The following ZNF491 variants were observed in gnomAD, a reference collection of about 807,000 sequenced individuals.
The protein encoded by ZNF491 is zinc finger protein 491.
In ZNF491, 22 loss-of-function variants were observed where a neutral mutation model predicts 34.7. The observed-to-expected ratio is 0.63, with a 90% CI of 0.45 to 0.90. The LOEUF is 0.90. ZNF491 is among the 40% of genes least tolerant of loss of function. The pLI is 0.00. For synonymous variants in ZNF491, 148 were observed against 174.3 expected (o/e 0.85, Z 1.19); for missense variants, 559 against 531.7 (o/e 1.05, Z -0.51).
At chr19:11,800,284 T>C (rs1975544683) in intron 1 of ZNF491, among the ~76,000 whole-genome samples, 1 of 152,126 alleles carries the variant, frequency 6.6e-6, no homozygotes, top group Non-Finnish European at 1.5e-5. Context: ...GAGGGAGTTT[T>C]TGGGACCCCT....
rs1025871237 is a variant in ZNF491, at chr19:11,804,665, T to G, written c.-10T>G. 4.5e-6 allele frequency: 6 copies of G among 1,324,818 alleles called. No homozygotes were observed. Among genetic ancestry groups the G allele is most frequent in the Non-Finnish European group, 5.9e-6 (6 of 1,012,514 alleles). 82.1% of individuals were successfully genotyped at this position (1,324,818 alleles called of 1,614,324 possible). On this transcript the variant is annotated splice_region_variant and 5_prime_UTR_variant, in exon 2 of 3. Transcript: ENST00000323169. ...GAAACCTTCACGAACCTCATCTGTA[T>G]AGGTAGGGGTGACAATATTACCTCC... is the stretch of plus-strand genomic sequence containing the variant.
intron 1 of ZNF491, among the ~76,000 whole-genome samples, chr19:11,799,874 G>A (rs997237310): frequency 6.6e-6 from 1 of 152,056 alleles, no homozygotes; most frequent in East Asian, 1.9e-4. Flanking sequence ...CGGAGGTTGC[G>A]TGAGCCGAGA....
chr19:11,804,527 T>C lies in ZNF491; in HGVS notation c.-133-15T>C. 1 of 1,547,616 alleles carries C rather than the reference T, an allele frequency of 6.5e-7. No homozygotes were observed. The highest frequency in any genetic ancestry group is 1.7e-4 in the Middle Eastern group (1 of 5,820). ...ACTCTCACCCATCCTCCTCTACACA[T>C]GTGAGATGTTTCAGGACCCAGTGGC... On this transcript the variant is annotated splice_polypyrimidine_tract_variant and intron_variant, in intron 1 of 2. Transcript: ENST00000323169.
At chr19:11,804,809 G>T (rs565568816) in intron 2 of ZNF491, 142 bp downstream of exon 2, 4 of 291,108 alleles carry the variant, frequency 1.4e-5, no homozygotes, top group South Asian at 7.6e-5. Context: ...CATAAACATG[G>T]AATCTAATGA....
In ZNF491 at chr19:11,805,984, G is replaced by A. The variant is rs147204893; in HGVS notation, c.31G>A (p.Gly11Ser). 298 of 1,602,940 alleles carry A rather than the reference G, an allele frequency of 1.9e-4. 5 individuals are homozygous for A. In the South Asian group the frequency reaches 3.1e-3, roughly 16 times the overall value. Residue 11 changes from glycine to serine, a missense_variant, in exon 3 of 3, where the codon GGT (glycine) becomes AGT (serine). By Grantham distance (56) the Gly-to-Ser change is moderately conservative (BLOSUM62 0). Transcript: ENST00000323169. Reference protein sequence around the residue: MGERLFESAEGSQCGETFTQV... With the variant: MGERLFESAESSQCGETFTQV... The stretch of plus-strand genomic sequence containing the variant: ...AGAGAGACTCTTTGAGAGTGCAGAA[G>A]GTAGTCAGTGTGGAGAAACTTTCAC...
rs112822504 is a variant in ZNF491 at position 11,803,437 on chromosome 19, C to T, written c.-133-1105C>T. Among the ~76,000 whole-genome samples the T allele has an allele frequency of 5.6e-3, 847 of 152,306 alleles. 9 individuals are homozygous for T. Among genetic ancestry groups the T allele is most frequent in the African/African-American group, 0.019 (793 of 41,554 alleles). ...CTAAGAAGTTATCATTTGTATATTA[C>T]TATTAATGAAATTCCAGATTTTCAA... On this transcript the variant is annotated intron_variant, in intron 1 of 2. Coordinates refer to ENST00000323169, the MANE Select transcript of ZNF491 (RefSeq NM_152356.4).
chr19:11,806,447 G>A lies in ZNF491; in HGVS notation c.494G>A (p.Gly165Asp), dbSNP rs1324399877. Residue 165 changes from glycine (G) to aspartate (D), a missense_variant, in exon 3 of 3, where the codon GGT becomes GAT. Transcript: ENST00000323169. ...GEKRYECKQC[G>D]KAFSWHSSVR... ...AAACGATATGAATGTAAACAATGTG[G>A]TAAAGCCTTCAGTTGGCACAGTTCT... 5 of 1,613,514 alleles carry A rather than the reference G, an allele frequency of 3.1e-6. No homozygotes were observed. Among genetic ancestry groups the A allele is most frequent in the Non-Finnish European group, 4.2e-6 (5 of 1,179,702 alleles).
Position 11,798,683 on chromosome 19 carries a change from C to A in ZNF491, c.-178C>A, listed in dbSNP as rs1199369215. Reference sequence around the variant, plus strand: ...CTGTCACCTGCGCTGTGACCTGCTCCGGAGTCATAAAGAGGACGCCGGGAC... The same window carrying A: ...CTGTCACCTGCGCTGTGACCTGCTCAGGAGTCATAAAGAGGACGCCGGGAC... On this transcript the variant is annotated 5_prime_UTR_variant, in exon 1 of 3. Transcript: ENST00000323169. This position sits in a 1 kb window ranked among gnomAD's most constrained non-coding sequence, Gnocchi z 4.0. The A allele has an allele frequency of 6.6e-6, 1 of 152,446 alleles. No homozygotes were observed. The highest frequency in any genetic ancestry group is 6.5e-5 in the Admixed American group (1 of 15,292). The allele number at this position is 152,446 out of a possible 1,614,324, so 9.4% of individuals were successfully genotyped here. A position where few individuals can be genotyped will look rare whatever the true frequency, so the allele number is the denominator to read the frequency against.
chr19:11,806,511 A>G lies in ZNF491; in HGVS notation c.558A>G (p.Pro186=), dbSNP rs1207701622. The G allele has an allele frequency of 9.3e-6, 15 of 1,613,896 alleles. No homozygotes were observed. Among genetic ancestry groups the G allele is most frequent in the Non-Finnish European group, 1.3e-5 (15 of 1,179,934 alleles). ...AAAGAACTCACACTGGGGAGAAGCC[A>G]TATGAATGTAAGGAGTGTGGGAAAT... The part of the protein sequence containing the change: ...IHERTHTGEK[P]YECKECGKSF... Residue 186 remains proline (P), a synonymous_variant, in exon 3 of 3, where the codon CCA becomes CCG. Coordinates refer to ENST00000323169, the MANE Select transcript of ZNF491 (RefSeq NM_152356.4).
intron 1 of ZNF491, among the ~76,000 whole-genome samples, chr19:11,800,006 G>A (rs551144162): frequency 1.6e-4 from 25 of 152,208 alleles, no homozygotes; most frequent in African/African-American, 6.0e-4. Context: ...AATTGCTTGA[G>A]CCCAGGAGGT....
chr19:11,799,734 G>C (rs1975538822), intron 1 of ZNF491, among the ~76,000 whole-genome samples: 1 of 151,982 alleles, frequency 6.6e-6, no homozygotes, highest in South Asian at 2.1e-4. Context: ...AGGAATTCGA[G>C]ACCATCCTGG....
chr19:11,805,934 G>T lies in ZNF491; in HGVS notation c.-7-13G>T. On this transcript the variant is annotated splice_polypyrimidine_tract_variant and intron_variant, in intron 2 of 2. Transcript: ENST00000323169. ...AAACAGACCCTTAATTATGTGCTTG[G>T]CATTTTTCACAGAAATTTTATGGGA... 1 of 1,532,336 alleles carries T rather than the reference G, an allele frequency of 6.5e-7. No individual in the cohort carries two copies. The highest frequency in any genetic ancestry group is 8.8e-7 in the Non-Finnish European group (1 of 1,141,578). 94.9% of individuals were successfully genotyped at this position (1,532,336 alleles called of 1,614,324 possible). A position where few individuals can be genotyped will look rare whatever the true frequency, so the allele number is the denominator to read the frequency against.
chr19:11,807,448 T>A lies in ZNF491; in HGVS notation c.*181T>A, dbSNP rs1425142298. 4.2e-6 allele frequency: 2 copies of A among 479,948 alleles called. No individual in the cohort carries two copies. Among genetic ancestry groups the A allele is most frequent in the Non-Finnish European group, 7.4e-6 (2 of 270,766 alleles). 29.7% of individuals were successfully genotyped at this position (479,948 alleles called of 1,614,324 possible). On this transcript the variant is annotated 3_prime_UTR_variant, in exon 3 of 3. Transcript: ENST00000323169. ...CGCTGGGATTCACTGGTGGCCTATC[T>A]TACATATGATTTCGAAGGCAGACAT... is the stretch of plus-strand genomic sequence containing the variant.
intron 1 of ZNF491, among the ~76,000 whole-genome samples, chr19:11,799,575 G>A (rs976681046): frequency 7.0e-6 from 1 of 143,168 alleles, no homozygotes; most frequent in Non-Finnish European, 1.5e-5. Flanking sequence ...ACATTCCAGC[G>A]TAAGGCAAGG....
At chr19:11,804,206 CAAA>C (rs71166629) in intron 1 of ZNF491, among the ~76,000 whole-genome samples, 982 of 69,336 alleles carry the variant, frequency 0.014, 4 homozygotes, top group African/African-American at 0.061. Flanking sequence ...CCATCTCAGA[CAAA>C]AAAAAAAAAA....
rs73922693 is a variant in ZNF491, at chr19:11,806,931, C to T, written c.978C>T (p.Pro326=). The change falls in exon 3 of 3, where the codon CCC becomes CCT. Residue 326 remains proline, a synonymous_variant. Transcript: ENST00000323169. ...AAAGGACTCACACTGGAGAGAAACC[C>T]GATGGGTGTAAGCAATGTGGGAAAG... ...YHERTHTGEK[P]DGCKQCGKAF... 1.5e-3 allele frequency: 2,349 copies of T among 1,610,514 alleles called. 32 individuals are homozygous for T. The African/African-American group carries it at 0.028, about 19-fold the overall frequency.
chr19:11,800,116 C>A (rs879319725), intron 1 of ZNF491, among the ~76,000 whole-genome samples: 4 of 152,082 alleles, frequency 2.6e-5, no homozygotes, highest in Admixed American at 2.0e-4. Context: ...AAGAGATTGT[C>A]AAACGTAGGG....
At chr19:11,800,043 A>C (rs989489299) in intron 1 of ZNF491, among the ~76,000 whole-genome samples, 2 of 152,174 alleles carry the variant, frequency 1.3e-5, no homozygotes, top group African/African-American at 4.8e-5. Context: ...ACAGTATTGA[A>C]TTTACAGCTA....
chr19:11,802,795 T>A (rs1975570317), intron 1 of ZNF491, among the ~76,000 whole-genome samples: 1 of 152,142 alleles, frequency 6.6e-6, no homozygotes, highest in Non-Finnish European at 1.5e-5. Context: ...AAGGTTAAAC[T>A]TTGTGAACAC....
Sources: allele counts gnomAD v4.1 joint callset (sites outside exome capture counted in the v4.1 genomes callset), GRCh38; gene constraint gnomAD v4.1.1; non-coding constraint Gnocchi (gnomAD v3.1); transcripts MANE v1.5; gene names NCBI Gene and HGNC (gene_info 2026-07-23, HGNC 2026-07-21).